The following PLXNA1 variants were observed in gnomAD, a reference collection of about 807,000 sequenced individuals.
The protein encoded by PLXNA1 is plexin A1.
In PLXNA1, 77 loss-of-function variants were observed where a neutral mutation model predicts 191.7. That is an observed-to-expected ratio of 0.40 (90% CI 0.33 to 0.49). PLXNA1 has a LOEUF of 0.49. Among genes scored for constraint, PLXNA1 ranks in the 20% least tolerant of loss-of-function variants. The pLI is 0.63. For missense variants in PLXNA1, 2,110 were observed against 2,660.2 expected (o/e 0.79, Z 4.55); for synonymous variants, 1,137 against 1,156.4 (o/e 0.98, Z 0.34).
At chr3:127,017,069 T>G (rs775007837) in intron 17 of PLXNA1, 32 bp downstream of exon 17, 1 of 1,576,652 alleles carries the variant, frequency 6.3e-7, no homozygotes, top group East Asian at 2.2e-5. Context: ...CCCACCTCGG[T>G]CCAGGCCTTC....
chr3:127,028,414 C>T (rs1439487489), intron 25 of PLXNA1, 74 bp downstream of exon 25: 14 of 1,487,934 alleles, frequency 9.4e-6, no homozygotes, highest in Non-Finnish European at 1.3e-5. Flanking sequence ...TAGTACTGAG[C>T]TTGGCGGGGA....
chr3:127,022,867 G>A lies in PLXNA1; in HGVS notation c.4362+49G>A, dbSNP rs756339300. The A allele has an allele frequency of 9.3e-6, 14 of 1,499,180 alleles. 1 individual carries two copies. In the South Asian group the frequency reaches 1.1e-4, roughly 12 times the overall value. 92.9% of individuals were successfully genotyped at this position (1,499,180 alleles called of 1,614,324 possible). On this transcript the variant is annotated intron_variant, in intron 23 of 31. Coordinates refer to ENST00000393409, the MANE Select transcript of PLXNA1 (RefSeq NM_032242.4). ...GGTGTCAGAGGCAGGTGAACAGCGG[G>A]AGGGGAAAACGGAGAGAGGTGGGGA...
At position 126,989,578 on chromosome 3, in the gene PLXNA1, G is replaced by T. The variant is rs754208943; in HGVS notation, c.985G>T (p.Gly329Cys). 2.5e-6 allele frequency: 4 copies of T among 1,613,258 alleles called. No individual in the cohort carries two copies. The Admixed American group carries it at 5.0e-5, about 20-fold the overall frequency. Residue 329 changes from glycine to cysteine, a missense_variant, in exon 2 of 32, where the codon GGC becomes TGC. By Grantham distance (159) the Gly-to-Cys change is radical. Around this residue, in one of 4 missense-constraint regions of PLXNA1, gnomAD observed 903 missense variants for 1,015.7 expected, o/e 0.89. Transcript: ENST00000393409. ...RPGRALAHQLGLAEDEDVLFT... is the reference protein window; with the variant it reads ...RPGRALAHQLCLAEDEDVLFT... ...CGGCCGTGCCCTGGCCCACCAGCTG[G>T]GCCTGGCTGAGGACGAGGACGTGCT...
intron 7 of PLXNA1, among the ~76,000 whole-genome samples, chr3:127,005,473 A>C (rs923259653): frequency 6.6e-6 from 1 of 152,194 alleles, no homozygotes; most frequent in Non-Finnish European, 1.5e-5. Context: ...CAGCGGATAC[A>C]TCCTTCTTAG....
rs564724424 is a variant in PLXNA1, at chr3:127,020,765, G to A, written c.4038+421G>A. 5.3e-5 allele frequency among the ~76,000 whole-genome samples: 8 copies of A among 152,284 alleles called. No homozygotes were observed. In the East Asian group the frequency reaches 1.4e-3, roughly 26 times the overall value. On this transcript the variant is annotated intron_variant, in intron 21 of 31. Transcript: ENST00000393409. ...TCCCGCCTGCGGCTCCACTGGCCTG[G>A]TCTCCTGGGTGGCTCTGGATGCGAA...
At chr3:126,985,514 A>G (rs1440828234) in intron 1 of PLXNA1, among the ~76,000 whole-genome samples, 1 of 150,192 alleles carries the variant, frequency 6.7e-6, no homozygotes, top group Non-Finnish European at 1.5e-5. Flanking sequence ...CCCACCACGA[A>G]TGCCCACCCT....
intron 23 of PLXNA1, chr3:127,027,245 T>C: frequency 4.4e-6 from 1 of 226,354 alleles, no homozygotes; most frequent in Admixed American, 5.2e-5. Flanking sequence ...GAGGCGGTTC[T>C]CATGCTACAG....
In PLXNA1 at chr3:127,032,495, C is replaced by T; in HGVS notation, c.5340C>T (p.Phe1780=). ...DACLSVVAQT[F]MDSCSTSEHK... ...GCTTGTCGGTGGTGGCCCAGACCTT[C>T]ATGGACTCCTGCTCCACCTCTGAGC... The change falls in exon 30 of 32, where the codon TTC becomes TTT. Residue 1780 remains phenylalanine (F), a synonymous_variant. Coordinates refer to ENST00000393409, the MANE Select transcript of PLXNA1 (RefSeq NM_032242.4). 6.2e-7 allele frequency: 1 copy of T among 1,614,028 alleles called. No homozygotes were observed. Among genetic ancestry groups the T allele is most frequent in the East Asian group, 2.2e-5 (1 of 44,880 alleles).
intron 20 of PLXNA1, among the ~76,000 whole-genome samples, 166 bp downstream of exon 20, chr3:127,018,694 G>T (rs992327935): frequency 6.6e-6 from 1 of 152,246 alleles, no homozygotes; most frequent in Admixed American, 6.5e-5. Flanking sequence ...GTGGGCGGGT[G>T]CCTGACCAGG....
intron 3 of PLXNA1, among the ~76,000 whole-genome samples, chr3:126,998,380 G>C (rs1051910352): frequency 6.6e-6 from 1 of 152,164 alleles, no homozygotes; most frequent in Non-Finnish European, 1.5e-5. Context: ...CAGCTGGTGG[G>C]TTTGAGGGAA....
At chr3:126,987,089 G>C (rs1348272375) in intron 1 of PLXNA1, among the ~76,000 whole-genome samples, 1 of 152,260 alleles carries the variant, frequency 6.6e-6, no homozygotes, top group African/African-American at 2.4e-5. Context: ...AACCAAGGGG[G>C]TGGCACTGCT....
Position 127,027,957 on chromosome 3 carries a change from G to T in PLXNA1, c.4380G>T (p.Pro1460=). 6.2e-7 allele frequency: 1 copy of T among 1,613,666 alleles called. No individual in the cohort carries two copies. The highest frequency in any genetic ancestry group is 8.5e-7 in the Non-Finnish European group (1 of 1,179,964). ...YKFLKECAGE[P]LFMLYCAIKQ... is the part of the protein sequence containing the mutation. ...CCCCGCAGGAGTGCGCTGGGGAGCC[G>T]CTGTTCATGCTGTACTGCGCCATCA... Residue 1460 remains proline, a synonymous_variant, in exon 24 of 32, where the codon CCG becomes CCT. Transcript: ENST00000393409.
At chr3:127,020,450 G>C in intron 21 of PLXNA1, 106 bp downstream of exon 21, 1 of 1,380,102 alleles carries the variant, frequency 7.2e-7, no homozygotes, top group Non-Finnish European at 9.8e-7. Context: ...AGCCTGTGTG[G>C]CCTGGGGGAG....
intron 9 of PLXNA1, among the ~76,000 whole-genome samples, 166 bp downstream of exon 9, chr3:127,008,079 C>G (rs1191211886): frequency 6.6e-6 from 1 of 152,146 alleles, no homozygotes; most frequent in Non-Finnish European, 1.5e-5. Flanking sequence ...TGAGGTGACC[C>G]TGGATGCCAG....
In PLXNA1 at chr3:127,017,619, C is replaced by T; in HGVS notation, c.3471C>T (p.Pro1157=). 1 of 1,613,700 alleles carries T rather than the reference C, an allele frequency of 6.2e-7. No homozygotes were observed. Among genetic ancestry groups the T allele is most frequent in the Non-Finnish European group, 8.5e-7 (1 of 1,180,030 alleles). The change falls in exon 18 of 32, where the codon CCC becomes CCT. Residue 1157 remains proline, a synonymous_variant. Coordinates refer to ENST00000393409, the MANE Select transcript of PLXNA1 (RefSeq NM_032242.4). The stretch of plus-strand genomic sequence containing the variant: ...ACCCCGTACTGGAGCCACTCAGCCC[C>T]ACTGGCCTGCTGGAGCTGAAGCCCA... ...YPDPVLEPLS[P]TGLLELKPSS...
rs542099388 is a variant in PLXNA1, at chr3:127,037,294, G to A, written c.*3277G>A. ...GACTGTGGGCCCGGCCCTCAGATGT[G>A]TACATATACGGCTATTTCCTATTTT... On this transcript the variant is annotated 3_prime_UTR_variant, in exon 32 of 32. Transcript: ENST00000393409. 1 of 152,792 alleles carries A rather than the reference G, an allele frequency of 6.5e-6. No individual in the cohort carries two copies. Among genetic ancestry groups the A allele is most frequent in the South Asian group, 2.1e-4 (1 of 4,832 alleles). 9.5% of individuals were successfully genotyped at this position (152,792 alleles called of 1,614,324 possible). A position where few individuals can be genotyped will look rare whatever the true frequency, so the allele number is the denominator to read the frequency against.
chr3:127,034,111 G>C lies in PLXNA1; in HGVS notation c.*94G>C. On this transcript the variant is annotated 3_prime_UTR_variant, in exon 32 of 32. Transcript: ENST00000393409. Reference sequence around the variant, plus strand: ...CCGCATGCGTGTGGAGTGTCCGGTGGTGCTCGGGCCGCCGCAGTGCAGCGA... The same window carrying C: ...CCGCATGCGTGTGGAGTGTCCGGTGCTGCTCGGGCCGCCGCAGTGCAGCGA... 1.7e-6 allele frequency: 2 copies of C among 1,179,356 alleles called. No individual in the cohort carries two copies. The highest frequency in any genetic ancestry group is 3.0e-5 in the South Asian group (2 of 65,746). 73.1% of individuals were successfully genotyped at this position (1,179,356 alleles called of 1,614,324 possible). A position where few individuals can be genotyped will look rare whatever the true frequency, so the allele number is the denominator to read the frequency against.
intron 3 of PLXNA1, among the ~76,000 whole-genome samples, chr3:127,002,960 C>T (rs1430893893): frequency 6.6e-6 from 1 of 152,140 alleles, no homozygotes; most frequent in Non-Finnish European, 1.5e-5. Flanking sequence ...CCAGCCTGGC[C>T]CCAGGGATGG....
At chr3:127,001,389 G>A (rs916615483) in intron 3 of PLXNA1, among the ~76,000 whole-genome samples, 4 of 152,196 alleles carry the variant, frequency 2.6e-5, no homozygotes, top group East Asian at 1.9e-4. Context: ...CCTGCATGCC[G>A]GGCCAGGGTC....
Sources: allele counts gnomAD v4.1 joint callset (sites outside exome capture counted in the v4.1 genomes callset), GRCh38; gene constraint gnomAD v4.1.1; regional missense constraint gnomAD v4.1.1; transcripts MANE v1.5; gene names NCBI Gene and HGNC (gene_info 2026-07-23, HGNC 2026-07-21).